CRHBP: variants seen among roughly 807,000 people sequenced by gnomAD.
CRHBP encodes corticotropin releasing hormone binding protein, also known as corticotropin-releasing hormone-binding protein.
Under a neutral mutation model 34.9 loss-of-function variants are expected in CRHBP, and 19 were observed. The ratio of observed to expected loss-of-function variants is 0.55; its 90% CI spans 0.38 to 0.80. CRHBP has a LOEUF of 0.80. CRHBP is among the 30% of genes least tolerant of loss of function. CRHBP has a pLI of 0.00. For missense variants in CRHBP, 328 were observed against 409.2 expected, an observed-to-expected ratio of 0.80 and a Z score of 1.71; for synonymous variants, 154 against 153.4, an observed-to-expected ratio of 1.00 and a Z score of -0.03.
At chr5:76,970,908 C>G (rs767580972), downstream of CRHBP, among the ~76,000 whole-genome samples, 3 of 152,160 alleles carry the variant, frequency 2.0e-5, no homozygotes, top group Non-Finnish European at 4.4e-5. Context: ...TGCTTTACTT[C>G]AAAGCTTGTT....
At chr5:76,967,722 G>A (rs146492566) in intron 6 of CRHBP, among the ~76,000 whole-genome samples, 2,677 of 147,458 alleles carry the variant, frequency 0.018, 77 homozygotes, top group African/African-American at 0.064. Flanking sequence ...TTTTTGAGAT[G>A]GAGTCTCACT....
downstream of CRHBP, among the ~76,000 whole-genome samples, chr5:76,973,907 G>A (rs887460768): frequency 3.9e-5 from 6 of 151,930 alleles, no homozygotes; most frequent in East Asian, 1.9e-4. Flanking sequence ...GGGTTCAAGC[G>A]ATTCTCCCGC....
chr5:76,970,642 C>T (rs1335113890), downstream of CRHBP, among the ~76,000 whole-genome samples: 1 of 152,088 alleles, frequency 6.6e-6, no homozygotes, highest in Non-Finnish European at 1.5e-5. Flanking sequence ...AGGTTGAACC[C>T]TTTTCTTAAA....
At chr5:76,953,931 C>A in intron 2 of CRHBP, 98 bp from the exon 3 acceptor site, 2 of 1,441,698 alleles carry the variant, frequency 1.4e-6, no homozygotes, top group Non-Finnish European at 1.9e-6. Flanking sequence ...CTGGGCACTA[C>A]AGAGCCCGGG....
At chr5:76,967,188 G>T (rs886830796) in intron 6 of CRHBP, among the ~76,000 whole-genome samples, 4 of 152,100 alleles carry the variant, frequency 2.6e-5, no homozygotes, top group African/African-American at 9.7e-5. Flanking sequence ...GTTGCAGCGA[G>T]CCAAGATGGC....
chr5:76,980,111 C>T (rs1388615504), intron 3 of CRHBP, among the ~76,000 whole-genome samples: 7 of 151,544 alleles, frequency 4.6e-5, no homozygotes, highest in East Asian at 1.9e-4. Flanking sequence ...AAAAATTAGC[C>T]GGGCGTGGTG....
chr5:76,961,232 G>C (rs1745771220), intron 5 of CRHBP, among the ~76,000 whole-genome samples: 1 of 152,162 alleles, frequency 6.6e-6, no homozygotes, highest in Admixed American at 6.5e-5. Flanking sequence ...GCAAAGAAGG[G>C]AGAAAAATCA....
At chr5:76,975,916 G>A (rs942043777) in intron 2 of CRHBP, among the ~76,000 whole-genome samples, 5 of 110,562 alleles carry the variant, frequency 4.5e-5, no homozygotes, top group African/African-American at 1.6e-4. Flanking sequence ...GTATATATAT[G>A]TGTATATATA....
At chr5:76,980,865 C>T (rs182921063) in intron 3 of CRHBP, 2 of 152,208 alleles carry the variant, frequency 1.3e-5, no homozygotes, top group Admixed American at 1.3e-4. Context: ...TCCTTGTACT[C>T]AGCTATAATG....
chr5:76,960,711 G>T (rs1358731775), intron 5 of CRHBP, among the ~76,000 whole-genome samples: 2 of 152,084 alleles, frequency 1.3e-5, no homozygotes, highest in African/African-American at 2.4e-5. Context: ...CATTGAGTTG[G>T]TGTGAGGATC....
Position 76,955,657 on chromosome 5 carries a change from T to C in CRHBP, c.338T>C (p.Phe113Ser). The change falls in exon 4 of 7, where the codon TTT (phenylalanine) becomes TCT (serine). Residue 113 changes from phenylalanine to serine, a missense_variant. Transcript: ENST00000274368. Reference sequence around the variant, plus strand: ...ATGTCTGTATTTTTTTCAAAGGTATTTGATGGTTGGATTCTCAAGGGGGAG... The same window carrying C: ...ATGTCTGTATTTTTTTCAAAGGTATCTGATGGTTGGATTCTCAAGGGGGAG... ...DCQGGDFLKV[F>S]DGWILKGEKF... The C allele has an allele frequency of 6.2e-7, 1 of 1,614,072 alleles. No individual in the cohort carries two copies. Among genetic ancestry groups the C allele is most frequent in the Non-Finnish European group, 8.5e-7 (1 of 1,179,950 alleles).
intron 5 of CRHBP, 92 bp downstream of exon 5, chr5:76,958,981 A>G: frequency 3.6e-6 from 5 of 1,370,922 alleles, no homozygotes; most frequent in Non-Finnish European, 4.0e-6. Flanking sequence ...GACACTAGCA[A>G]ATTGGCGTAG....
intron 4 of CRHBP, among the ~76,000 whole-genome samples, chr5:76,956,663 G>T (rs113106833): frequency 0.2 from 30,487 of 151,782 alleles, 3,175 homozygotes; most frequent in Middle Eastern, 0.37. Flanking sequence ...GGTGGAGCTT[G>T]CAGTGAGCTG....
chr5:76,979,541 G>T (rs1746087703), intron 3 of CRHBP, among the ~76,000 whole-genome samples: 1 of 151,834 alleles, frequency 6.6e-6, no homozygotes, highest in Non-Finnish European at 1.5e-5. Flanking sequence ...AGTAGAGACG[G>T]TGTTTCACCA....
At chr5:76,980,740 A>G (rs1188068132) in intron 3 of CRHBP, among the ~76,000 whole-genome samples, 3 of 152,220 alleles carry the variant, frequency 2.0e-5, no homozygotes, top group African/African-American at 7.2e-5. Context: ...TTATATGGAA[A>G]AAGACGGAGT....
chr5:76,968,702 AC>A, intron 6 of CRHBP, 25 bp from the exon 7 acceptor site: 1 of 1,581,448 alleles, frequency 6.3e-7, no homozygotes, highest in Non-Finnish European at 8.6e-7. Flanking sequence ...CTGCTGGGAA[AC>A]TTTTATCTTT....
downstream of CRHBP, among the ~76,000 whole-genome samples, chr5:76,972,458 C>CCAT (rs1158525668): frequency 1.3e-5 from 2 of 152,152 alleles, no homozygotes; most frequent in Middle Eastern, 3.4e-3. Context: ...CGAGATCATG[C>CCAT]CATTGCACTC....
At chr5:76,975,828 A>C (rs867025572) in intron 2 of CRHBP, among the ~76,000 whole-genome samples, 13 of 90,436 alleles carry the variant, frequency 1.4e-4, no homozygotes, top group African/African-American at 8.2e-4. Flanking sequence ...AAAAAAAAAT[A>C]TATATATATA....
intron 3 of CRHBP, among the ~76,000 whole-genome samples, chr5:76,976,769 C>A (rs545380122): frequency 6.6e-6 from 1 of 152,206 alleles, no homozygotes; most frequent in South Asian, 2.1e-4. Context: ...AAAATGTTTT[C>A]TATTTCAAGG....
Sources: gnomAD v4.1 joint callset for allele counts (sites outside exome capture counted in the v4.1 genomes callset) on GRCh38, gnomAD v4.1.1 for gene constraint, MANE v1.5 for transcripts, NCBI Gene and HGNC (gene_info 2026-07-23, HGNC 2026-07-21) for gene names.